Variants in ACTN4 observed in about 807,000 individuals in gnomAD.
ACTN4 encodes the protein actinin alpha 4, also known as alpha-actinin-4.
ACTN4 carries 18 observed loss-of-function variants against 114.2 expected under a neutral mutation model. The observed-to-expected ratio is 0.16, with a 90% CI of 0.11 to 0.23. The LOEUF is 0.23. Ranked by LOEUF, ACTN4 falls within the 10% of genes least tolerant of loss-of-function variation. The pLI is 1.00. For missense variants in ACTN4, 722 were observed against 1,262.9 expected, an observed-to-expected ratio of 0.57 and a Z score of 6.49; for synonymous variants, 515 against 506.3, an observed-to-expected ratio of 1.02 and a Z score of -0.23.
intron 9 of ACTN4, among the ~76,000 whole-genome samples, chr19:38,715,045 C>T (rs1968794189): frequency 6.6e-6 from 1 of 152,150 alleles, no homozygotes; most frequent in Non-Finnish European, 1.5e-5. Flanking sequence ...CAGGGAGGGT[C>T]AGGCACGTGC....
chr19:38,700,542 G>A, intron 1 of ACTN4, 58 bp from the exon 2 acceptor site: 3 of 1,458,140 alleles, frequency 2.1e-6, no homozygotes, highest in African/African-American at 1.4e-5. Context: ...CAGGTGTGTG[G>A]AGAGAGCCCC....
chr19:38,700,569 C>G (rs1276028454), intron 1 of ACTN4, 31 bp from the exon 2 acceptor site: 1 of 1,581,046 alleles, frequency 6.3e-7, no homozygotes, highest in African/African-American at 1.3e-5. Flanking sequence ...CAGGCTGACT[C>G]TGCGCACTGT....
At chr19:38,705,159 T>G in intron 4 of ACTN4, 139 bp downstream of exon 4, 77 of 819,630 alleles carry the variant, frequency 9.4e-5, no homozygotes, top group Non-Finnish European at 1.4e-4. Flanking sequence ...GCAGGGGTAG[T>G]CAGTGGGTGG....
chr19:38,711,373 C>T, intron 8 of ACTN4: 1 of 1,022,938 alleles, frequency 9.8e-7, no homozygotes, highest in Non-Finnish European at 1.2e-6. Context: ...TGAGCTGGGC[C>T]AGGCACACCT....
chr19:38,727,058 G>A lies in ACTN4; in HGVS notation c.2292G>A (p.Gln764=). 1 of 1,614,164 alleles carries A rather than the reference G, an allele frequency of 6.2e-7. No homozygotes were observed. Among genetic ancestry groups the A allele is most frequent in the Non-Finnish European group, 8.5e-7 (1 of 1,180,026 alleles). Residue 764 remains glutamine (Q), a synonymous_variant, in exon 18 of 21, where the codon CAG becomes CAA. Transcript: ENST00000252699. The surrounding 1 kb of genome is among the most constrained non-coding windows in gnomAD (Gnocchi z 5.4). ...CCCGCGACGCCAAGGGCATCAGCCA[G>A]GAGCAGATGCAGGAGTTCCGGGCGT... ...ILTRDAKGIS[Q]EQMQEFRASF...
In ACTN4 at chr19:38,702,957, AC is replaced by A. The variant is rs528964303; in HGVS notation, c.397+1840del. Among the ~76,000 whole-genome samples, 10 of 151,798 alleles carry A rather than the reference AC, an allele frequency of 6.6e-5. No homozygotes were observed. The East Asian group carries it at 1.7e-3, about 26-fold the overall frequency. On this transcript the variant is annotated intron_variant, in intron 3 of 20. Coordinates refer to ENST00000252699, the MANE Select transcript of ACTN4 (RefSeq NM_004924.6). Reference sequence around the variant, plus strand: ...AGCTCTGCAGTTAGCTTTGGAACTCACCCCTGTGCCCAGCCCTTCCCCGAGA... The same window carrying A: ...AGCTCTGCAGTTAGCTTTGGAACTCACCCTGTGCCCAGCCCTTCCCCGAGA...
intron 1 of ACTN4, among the ~76,000 whole-genome samples, chr19:38,656,977 G>T (rs1976730489): frequency 6.6e-6 from 1 of 151,986 alleles, no homozygotes; most frequent in Non-Finnish European, 1.5e-5. Context: ...TTTGGTTTTT[G>T]TTCTGTTTTG....
In ACTN4 at chr19:38,719,908, G is replaced by A. The variant is rs76862823; in HGVS notation, c.1292-1630G>A. ...CTTCACCTGAGGTGTTTAGAAGCCA[G>A]CTCAGTCTCCGGCCAGGGCCCAGCT... On this transcript the variant is annotated intron_variant, in intron 11 of 20. Transcript: ENST00000252699. Among the ~76,000 whole-genome samples, 889 of 152,328 alleles carry A rather than the reference G, an allele frequency of 5.8e-3. 25 individuals are homozygous for A. Among genetic ancestry groups the A allele is most frequent in the East Asian group, 0.05 (261 of 5,176 alleles).
At chr19:38,653,254 A>G (rs539743647) in intron 1 of ACTN4, among the ~76,000 whole-genome samples, 4 of 152,274 alleles carry the variant, frequency 2.6e-5, no homozygotes, top group Non-Finnish European at 1.5e-5. Context: ...GTTATCTGCC[A>G]GTGCTAGTTA....
chr19:38,649,290 A>G (rs1168711800), intron 1 of ACTN4, among the ~76,000 whole-genome samples: 1 of 74,208 alleles, frequency 1.3e-5, no homozygotes, highest in East Asian at 4.6e-4. Context: ...GGATAAATCC[A>G]GTGTGGTTGA....
intron 1 of ACTN4, among the ~76,000 whole-genome samples, chr19:38,659,557 A>G (rs1279555066): frequency 6.6e-6 from 1 of 152,178 alleles, no homozygotes; most frequent in Non-Finnish European, 1.5e-5. Context: ...GACCATAAAA[A>G]TATAAGACTC....
At chr19:38,718,753 G>A (rs975923516) in intron 11 of ACTN4, among the ~76,000 whole-genome samples, 2 of 152,154 alleles carry the variant, frequency 1.3e-5, no homozygotes, top group Non-Finnish European at 2.9e-5. Flanking sequence ...CATCCAGGGC[G>A]AGTGTGTGGG....
At position 38,699,339 on chromosome 19, in the gene ACTN4, C is replaced by G. The variant is rs539434421; in HGVS notation, c.163-1261C>G. Among the ~76,000 whole-genome samples, 6 of 152,332 alleles carry G rather than the reference C, an allele frequency of 3.9e-5. No homozygotes were observed. The East Asian group carries it at 9.6e-4, about 24-fold the overall frequency. On this transcript the variant is annotated intron_variant, in intron 1 of 20. Coordinates refer to ENST00000252699, the MANE Select transcript of ACTN4 (RefSeq NM_004924.6). ...GGACTTCGGCTTCTTGTTTAGTACC[C>G]TCCATCCCTTCCAGTTGATCATCAG...
intron 9 of ACTN4, 150 bp from the exon 10 acceptor site, chr19:38,716,936 A>C: frequency 5.9e-6 from 5 of 851,146 alleles, no homozygotes; most frequent in Non-Finnish European, 9.5e-6. Context: ...TCTAGCAGGA[A>C]TCGTGGAGAA....
chr19:38,690,106 T>C (rs1599803249), intron 1 of ACTN4, among the ~76,000 whole-genome samples: 1 of 152,180 alleles, frequency 6.6e-6, no homozygotes, highest in Non-Finnish European at 1.5e-5. Context: ...GGAGGGACAA[T>C]GATTGGGATA....
intron 3 of ACTN4, among the ~76,000 whole-genome samples, chr19:38,703,721 C>T (rs1028885330): frequency 6.6e-6 from 1 of 152,154 alleles, no homozygotes; most frequent in Non-Finnish European, 1.5e-5. Flanking sequence ...AACAAGTAAA[C>T]AGCCCGACCA....
At chr19:38,659,474 G>A (rs969663686) in intron 1 of ACTN4, among the ~76,000 whole-genome samples, 3 of 152,180 alleles carry the variant, frequency 2.0e-5, no homozygotes, top group Non-Finnish European at 4.4e-5. Flanking sequence ...TGAAGCTGTG[G>A]AAGGTAAGGG....
rs184505188 is a variant in ACTN4 at position 38,656,384 on chromosome 19, T to A, written c.162+8477T>A. Among the ~76,000 whole-genome samples, 269 of 152,254 alleles carry A rather than the reference T, an allele frequency of 1.8e-3. 11 individuals carry two copies. In the South Asian group the frequency reaches 0.047, roughly 27 times the overall value. On this transcript the variant is annotated intron_variant, in intron 1 of 20. Coordinates refer to ENST00000252699, the MANE Select transcript of ACTN4 (RefSeq NM_004924.6). Reference sequence around the variant, plus strand: ...TGTGAGTCACCACGCCCAGCCAACTTTTTCTCTTAAGGCTCCAGTTTTCTT... The same window carrying A: ...TGTGAGTCACCACGCCCAGCCAACTATTTCTCTTAAGGCTCCAGTTTTCTT...
At chr19:38,697,371 A>G (rs1968130095) in intron 1 of ACTN4, among the ~76,000 whole-genome samples, 1 of 152,266 alleles carries the variant, frequency 6.6e-6, no homozygotes, top group Admixed American at 6.5e-5. Flanking sequence ...GTGTACATGC[A>G]CACACATGCG....
Sources: allele counts gnomAD v4.1 joint callset (sites outside exome capture counted in the v4.1 genomes callset), GRCh38; gene constraint gnomAD v4.1.1; non-coding constraint Gnocchi (gnomAD v3.1); transcripts MANE v1.5; gene names NCBI Gene and HGNC (gene_info 2026-07-23, HGNC 2026-07-21).